The following SCARB1 variants were observed in gnomAD, a reference collection of about 807,000 sequenced individuals.
SCARB1 encodes the protein CD36 and LIMPII analogous 1.
A neutral mutation model predicts 57.2 loss-of-function variants in SCARB1; 30 were observed. The ratio of observed to expected loss-of-function variants is 0.52; its 90% CI spans 0.39 to 0.71. SCARB1 has a LOEUF of 0.71. Ranked by LOEUF, SCARB1 falls within the 30% of genes least tolerant of loss-of-function variation. The pLI is 0.00. For missense variants in SCARB1, 543 were observed against 671.2 expected (o/e 0.81, Z 2.11); for synonymous variants, 249 against 268.3 (o/e 0.93, Z 0.70).
chr12:124,815,173 T>C (rs1289652607), intron 2 of SCARB1, 59 bp from the exon 3 acceptor site: 15 of 1,591,728 alleles, frequency 9.4e-6, no homozygotes, highest in Admixed American at 1.7e-5. Context: ...GTTTCCCTTC[T>C]ACTCGCCTGC....
At chr12:124,778,650 C>G in intron 12 of SCARB1, 64 bp from the exon 13 acceptor site, 1 of 1,350,190 alleles carries the variant, frequency 7.4e-7, no homozygotes, top group Non-Finnish European at 9.5e-7. Context: ...CCCTCATCCC[C>G]GCCCACCACA....
intron 11 of SCARB1, chr12:124,786,130 C>T: frequency 6.5e-7 from 1 of 1,538,834 alleles, no homozygotes; most frequent in Non-Finnish European, 8.7e-7. Context: ...AAGGGAGGGT[C>T]CCAGGCCTTC....
intron 6 of SCARB1, among the ~76,000 whole-genome samples, chr12:124,808,199 T>C (rs1407666388): frequency 6.6e-6 from 1 of 152,170 alleles, no homozygotes; most frequent in African/African-American, 2.4e-5. Context: ...CTCACACCTG[T>C]AATCCCAGCA....
intron 1 of SCARB1, among the ~76,000 whole-genome samples, chr12:124,854,339 T>A (rs532439785): frequency 6.6e-6 from 1 of 152,256 alleles, no homozygotes; most frequent in African/African-American, 2.4e-5. Flanking sequence ...GAAAAGGGAA[T>A]GCGGACGTCG....
chr12:124,789,318 A>C lies in SCARB1; in HGVS notation c.1203-1861T>G, dbSNP rs1007300544. ...CAATCCCAGTAGAGGGTCATCCTAC[A>C]AAATACCTGACCAGTGCTTCTCAAA... On this transcript the variant is annotated intron_variant, in intron 9 of 12. Transcript: ENST00000261693. The surrounding 1 kb of genome is among the most constrained non-coding windows in gnomAD (Gnocchi z 4.4). 6.6e-6 allele frequency among the ~76,000 whole-genome samples: 1 copy of C among 152,320 alleles called. No individual in the cohort carries two copies. Among genetic ancestry groups the C allele is most frequent in the East Asian group, 1.9e-4 (1 of 5,186 alleles).
intron 6 of SCARB1, among the ~76,000 whole-genome samples, chr12:124,809,932 C>T (rs547119228): frequency 7.2e-5 from 11 of 152,334 alleles, no homozygotes; most frequent in Admixed American, 5.2e-4. Context: ...GCCCCCTCCT[C>T]CCAGCCCAGC....
chr12:124,780,875 C>G (rs950651699), intron 12 of SCARB1, among the ~76,000 whole-genome samples: 2 of 152,192 alleles, frequency 1.3e-5, no homozygotes, highest in African/African-American at 2.4e-5. Flanking sequence ...GACCAGCCCC[C>G]ACCCCTGCAC....
At chr12:124,823,292 T>G (rs928948074) in intron 1 of SCARB1, among the ~76,000 whole-genome samples, 9 of 152,318 alleles carry the variant, frequency 5.9e-5, no homozygotes, top group African/African-American at 2.2e-4. Context: ...ATGTGAAATT[T>G]TAAAAATAAA....
intron 1 of SCARB1, among the ~76,000 whole-genome samples, chr12:124,855,418 G>A (rs992454247): frequency 6.6e-6 from 1 of 152,194 alleles, no homozygotes; most frequent in African/African-American, 2.4e-5. Context: ...CACCCACAGG[G>A]AGCCAGCCCC....
At chr12:124,853,045 G>A (rs541279672) in intron 1 of SCARB1, among the ~76,000 whole-genome samples, 7 of 152,268 alleles carry the variant, frequency 4.6e-5, no homozygotes, top group African/African-American at 1.7e-4. Flanking sequence ...GACAGTGGAC[G>A]TGGGGGGCAA....
intron 1 of SCARB1, among the ~76,000 whole-genome samples, chr12:124,841,811 C>T (rs1951920927): frequency 6.6e-6 from 1 of 152,182 alleles, no homozygotes; most frequent in Non-Finnish European, 1.5e-5. Context: ...CATGTCAGCT[C>T]ACCTGCCTCG....
chr12:124,824,289 A>G (rs997496900), intron 1 of SCARB1, among the ~76,000 whole-genome samples: 5 of 152,232 alleles, frequency 3.3e-5, no homozygotes, highest in Non-Finnish European at 7.4e-5. Flanking sequence ...GAAGCCAGTC[A>G]AAAGGCCACA....
rs555011875 is a variant in SCARB1 at position 124,789,125 on chromosome 12, G to A, written c.1203-1668C>T. On this transcript the variant is annotated intron_variant, in intron 9 of 12. Coordinates refer to ENST00000261693, the MANE Select transcript of SCARB1 (RefSeq NM_005505.5). The surrounding 1 kb of genome is among the most constrained non-coding windows in gnomAD (Gnocchi z 4.4). ...GGAGAATAAAAGTAAACTTGATACT[G>A]CAGAAACGTCACAGGCATGACCTCA... Among the ~76,000 whole-genome samples, 18 of 152,304 alleles carry A rather than the reference G, an allele frequency of 1.2e-4. No homozygotes were observed. The highest frequency in any genetic ancestry group is 2.1e-4 in the Non-Finnish European group (14 of 68,024).
Position 124,795,421 on chromosome 12 carries a change from TG to T in SCARB1, c.1129-154del, listed in dbSNP as rs3215351. Among the ~76,000 whole-genome samples the T allele has an allele frequency of 0.13, 19,293 of 151,706 alleles. 2,360 individuals carry two copies. Among genetic ancestry groups the T allele is most frequent in the East Asian group, 0.39 (1,992 of 5,138 alleles). Reference sequence around the variant, plus strand: ...ATCTTACCTAAAACAAGCCACAGGCTGGGGGGGGTCAACAGTTCTAGAAATG... The same window carrying T: ...ATCTTACCTAAAACAAGCCACAGGCTGGGGGGGTCAACAGTTCTAGAAATG... On this transcript the variant is annotated intron_variant, in intron 8 of 12. Coordinates refer to ENST00000261693, the MANE Select transcript of SCARB1 (RefSeq NM_005505.5).
At chr12:124,852,226 G>C (rs1156389177) in intron 1 of SCARB1, among the ~76,000 whole-genome samples, 2 of 152,138 alleles carry the variant, frequency 1.3e-5, no homozygotes, top group South Asian at 2.1e-4. Context: ...TCATGCTGGG[G>C]CAGGAAAGGG....
intron 1 of SCARB1, among the ~76,000 whole-genome samples, chr12:124,859,110 A>G (rs956260201): frequency 6.6e-6 from 1 of 152,054 alleles, no homozygotes; most frequent in Non-Finnish European, 1.5e-5. Context: ...TCTTAAACTC[A>G]GGGCTTCAAG....
At chr12:124,787,133 C>T (rs912745708) in intron 10 of SCARB1, among the ~76,000 whole-genome samples, 2 of 152,208 alleles carry the variant, frequency 1.3e-5, no homozygotes, top group Admixed American at 1.3e-4. Flanking sequence ...TCATATGCCC[C>T]AACAAAATTA....
chr12:124,778,915 T>C (rs1278862903), intron 12 of SCARB1, among the ~76,000 whole-genome samples: 1 of 152,176 alleles, frequency 6.6e-6, no homozygotes, highest in Non-Finnish European at 1.5e-5. Context: ...CGGGGCAAGC[T>C]CTGTCCCTCA....
At chr12:124,831,124 C>T (rs143223198) in intron 1 of SCARB1, among the ~76,000 whole-genome samples, 4,190 of 152,182 alleles carry the variant, frequency 0.028, 77 homozygotes, top group Non-Finnish European at 0.046. Flanking sequence ...TACAGATGCC[C>T]GCCACCACAC....
Sources: gnomAD v4.1 joint callset for allele counts (sites outside exome capture counted in the v4.1 genomes callset) on GRCh38, gnomAD v4.1.1 for gene constraint, Gnocchi (gnomAD v3.1) non-coding constraint, MANE v1.5 for transcripts, NCBI Gene and HGNC (gene_info 2026-07-23, HGNC 2026-07-21) for gene names.